PEDS1: variants seen among roughly 807,000 people sequenced by gnomAD.
PEDS1 encodes the protein plasmanylethanolamine desaturase 1, also known as CarF homolog.
A neutral mutation model predicts 35.2 loss-of-function variants in PEDS1; 14 were observed. The observed-to-expected ratio is 0.40, with a 90% confidence interval of 0.26 to 0.62. The LOEUF is 0.62. Ranked by LOEUF, PEDS1 falls within the 20% of genes least tolerant of loss-of-function variation. PEDS1 has a pLI of 0.44. For synonymous variants in PEDS1, 152 were observed against 152.0 expected (o/e 1.00, Z 0.00); for missense variants, 260 against 367.8 (o/e 0.71, Z 2.40).
intron 3 of PEDS1, 98 bp downstream of exon 3, chr20:50,130,758 T>C (rs181540558): frequency 6.8e-7 from 1 of 1,465,502 alleles, no homozygotes; most frequent in South Asian, 1.2e-5. Context: ...GTTCCCATCT[T>C]TCAGATAGGG....
At chr20:50,141,316 G>T (rs889349037) in intron 2 of PEDS1, among the ~76,000 whole-genome samples, 1 of 152,254 alleles carries the variant, frequency 6.6e-6, no homozygotes, top group Non-Finnish European at 1.5e-5. Context: ...CACAAAGAGT[G>T]AAAAGTGCCC....
intron 2 of PEDS1, among the ~76,000 whole-genome samples, chr20:50,143,197 T>C (rs1174010739): frequency 6.6e-6 from 1 of 152,054 alleles, no homozygotes; most frequent in Non-Finnish European, 1.5e-5. Context: ...GTGGGGACCA[T>C]GAAGGTACAG....
At chr20:50,141,685 C>G (rs1246865748) in intron 2 of PEDS1, among the ~76,000 whole-genome samples, 1 of 152,224 alleles carries the variant, frequency 6.6e-6, no homozygotes, top group Admixed American at 6.5e-5. Context: ...TATTCCTGCC[C>G]TTGAATATGG....
At position 50,122,048 on chromosome 20, in the gene PEDS1, C is replaced by G. The variant is rs781700835; in HGVS notation, c.*3010G>C. The G allele has an allele frequency of 4.6e-5, 7 of 152,232 alleles. No homozygotes were observed. Among genetic ancestry groups the G allele is most frequent in the Non-Finnish European group, 7.3e-5 (5 of 68,062 alleles). 9.4% of individuals were successfully genotyped at this position (152,232 alleles called of 1,614,324 possible). A position where few individuals can be genotyped will look rare whatever the true frequency, so the allele number is the denominator to read the frequency against. ...TTGGTTCAGGGATGGGCACGTGACC[C>G]AGTCCAGACCAATGAGAGCCTGCCC... is the stretch of plus-strand genomic sequence containing the variant. On this transcript the variant is annotated 3_prime_UTR_variant, in exon 6 of 6. Coordinates refer to ENST00000371652, the MANE Select transcript of PEDS1 (RefSeq NM_199129.4).
chr20:50,139,143 G>A (rs1298812975), intron 2 of PEDS1, among the ~76,000 whole-genome samples: 2 of 152,090 alleles, frequency 1.3e-5, no homozygotes, highest in Admixed American at 6.5e-5. Context: ...GCCACGACCC[G>A]AGCCTGGGAC....
intron 3 of PEDS1, among the ~76,000 whole-genome samples, chr20:50,130,140 CCTGG>C (rs1178072182): frequency 6.6e-6 from 1 of 152,200 alleles, no homozygotes; most frequent in African/African-American, 2.4e-5. Flanking sequence ...CGTGACCAGG[CCTGG>C]CCAATCATAG....
At chr20:50,131,019 C>T in intron 2 of PEDS1, 72 bp from the exon 3 acceptor site, 1 of 1,612,176 alleles carries the variant, frequency 6.2e-7, no homozygotes. Context: ...CATTTACTCA[C>T]TTGCCCGCTC....
At chr20:50,131,993 CAGG>C (rs1443744275) in intron 2 of PEDS1, among the ~76,000 whole-genome samples, 1 of 152,166 alleles carries the variant, frequency 6.6e-6, no homozygotes, top group Non-Finnish European at 1.5e-5. Context: ...CACCTGAGGT[CAGG>C]AGTTCGAGAC....
At chr20:50,125,827 G>A (rs532785100) in intron 5 of PEDS1, among the ~76,000 whole-genome samples, 21 of 152,162 alleles carry the variant, frequency 1.4e-4, no homozygotes, top group African/African-American at 4.3e-4. Flanking sequence ...TCTTGACCTC[G>A]TGATCCACCC....
At chr20:50,134,440 A>G (rs232747) in intron 2 of PEDS1, among the ~76,000 whole-genome samples, 93,012 of 152,148 alleles carry the variant, frequency 0.61, 30,154 homozygotes, top group African/African-American at 0.85. Context: ...CCAGCTACTC[A>G]GGAGGCTGAG....
rs117150702 is a variant in PEDS1, at chr20:50,125,008, C to T, written c.*50G>A. ...GAGGCTGGAATTTGGCAGATGGCTT[C>T]GGTTTGGGGGCTAGGGAAGGTTGGC... is the stretch of plus-strand genomic sequence containing the variant. On this transcript the variant is annotated 3_prime_UTR_variant, in exon 6 of 6. Transcript: ENST00000371652. The T allele has an allele frequency of 2.1e-3, 3,427 of 1,602,680 alleles. 4 individuals carry two copies. Among genetic ancestry groups the T allele is most frequent in the Non-Finnish European group, 2.7e-3 (3,190 of 1,171,846 alleles).
rs1601208334 is a variant in PEDS1 at position 50,128,315 on chromosome 20, C to T, written c.479-128G>A. The T allele has an allele frequency of 5.0e-6, 6 of 1,190,320 alleles. No individual in the cohort carries two copies. Among genetic ancestry groups the T allele is most frequent in the Non-Finnish European group, 5.9e-6 (5 of 850,038 alleles). 73.7% of individuals were successfully genotyped at this position (1,190,320 alleles called of 1,614,324 possible). A position where few individuals can be genotyped will look rare whatever the true frequency, so the allele number is the denominator to read the frequency against. ...GCAAGCACCCAGGATTCTCTTCCAC[C>T]CCCTGCAGGGCCGCAGGCAAGCTCA... is the stretch of plus-strand genomic sequence containing the variant. On this transcript the variant is annotated intron_variant, in intron 4 of 5. Coordinates refer to ENST00000371652, the MANE Select transcript of PEDS1 (RefSeq NM_199129.4). This position sits in a 1 kb window ranked among gnomAD's most constrained non-coding sequence, Gnocchi z 5.2.
intron 2 of PEDS1, among the ~76,000 whole-genome samples, chr20:50,142,254 T>C (rs2081298152): frequency 6.6e-6 from 1 of 152,206 alleles, no homozygotes; most frequent in Non-Finnish European, 1.5e-5. Flanking sequence ...CAAAAAATAC[T>C]GAGCACCGGC....
intron 5 of PEDS1, among the ~76,000 whole-genome samples, chr20:50,125,656 C>T (rs1434557856): frequency 4.6e-5 from 7 of 151,984 alleles, no homozygotes; most frequent in South Asian, 2.1e-4. Context: ...TGCAGTGGGG[C>T]GATCTCGGCT....
intron 2 of PEDS1, among the ~76,000 whole-genome samples, chr20:50,137,014 G>A (rs2081242911): frequency 1.3e-5 from 2 of 152,002 alleles, no homozygotes; most frequent in Non-Finnish European, 2.9e-5. Context: ...CTGGGTGACA[G>A]AGGAAGACTT....
chr20:50,129,504 C>A lies in PEDS1; in HGVS notation c.478+42G>T. The A allele has an allele frequency of 6.2e-7, 1 of 1,612,504 alleles. No homozygotes were observed. Among genetic ancestry groups the A allele is most frequent in the Non-Finnish European group, 8.5e-7 (1 of 1,179,038 alleles). ...AGGCTCCTGGGGGTCGGCCTCTGCC[C>A]CCAAGGCCCCCTCCCAGCCCACCAC... On this transcript the variant is annotated intron_variant, in intron 4 of 5. Transcript: ENST00000371652. The surrounding 1 kb of genome is among the most constrained non-coding windows in gnomAD (Gnocchi z 4.2).
rs1009057638 is a variant in PEDS1, at chr20:50,128,644, G to A, written c.479-457C>T. ...GGGAGCCTCTTCAGGAAAAAACCTCGAAGGGAGGGAGGGAAGCAAGACACG... is the reference window on the plus strand; with the variant it reads ...GGGAGCCTCTTCAGGAAAAAACCTCAAAGGGAGGGAGGGAAGCAAGACACG... On this transcript the variant is annotated intron_variant, in intron 4 of 5. Transcript: ENST00000371652. This position sits in a 1 kb window ranked among gnomAD's most constrained non-coding sequence, Gnocchi z 5.2. 2.0e-5 allele frequency among the ~76,000 whole-genome samples: 3 copies of A among 152,182 alleles called. No individual in the cohort carries two copies. The highest frequency in any genetic ancestry group is 4.8e-5 in the African/African-American group (2 of 41,430).
rs910438676 is a variant in PEDS1 at position 50,129,045 on chromosome 20, A to G, written c.478+501T>C. On this transcript the variant is annotated intron_variant, in intron 4 of 5. Transcript: ENST00000371652. The surrounding 1 kb of genome is among the most constrained non-coding windows in gnomAD (Gnocchi z 4.2). Reference sequence around the variant, plus strand: ...GGTGCTGGAACAGGACCGGGCCCCAACCTACCTCCACCTGACAGATAAGGC... The same window carrying G: ...GGTGCTGGAACAGGACCGGGCCCCAGCCTACCTCCACCTGACAGATAAGGC... 1.3e-5 allele frequency among the ~76,000 whole-genome samples: 2 copies of G among 152,210 alleles called. No individual in the cohort carries two copies. The highest frequency in any genetic ancestry group is 2.4e-5 in the African/African-American group (1 of 41,444).
intron 1 of PEDS1, among the ~76,000 whole-genome samples, chr20:50,149,050 T>G (rs923026575): frequency 6.6e-6 from 1 of 151,900 alleles, no homozygotes; most frequent in African/African-American, 2.4e-5. Flanking sequence ...AAGTTTTGGG[T>G]TGCAGTGAGC....
Sources: gnomAD v4.1 joint callset for allele counts (sites outside exome capture counted in the v4.1 genomes callset) on GRCh38, gnomAD v4.1.1 for gene constraint, Gnocchi (gnomAD v3.1) non-coding constraint, MANE v1.5 for transcripts, NCBI Gene and HGNC (gene_info 2026-07-23, HGNC 2026-07-21) for gene names.